PCGF3: variants seen among roughly 807,000 people sequenced by gnomAD.
PCGF3 encodes the protein polycomb group ring finger 3, also known as polycomb group RING finger protein 3.
A neutral mutation model predicts 33.1 loss-of-function variants in PCGF3; 7 were observed. The ratio of observed to expected loss-of-function variants is 0.21; its 90% confidence interval spans 0.12 to 0.40. PCGF3 has a LOEUF of 0.40. Among genes scored for constraint, PCGF3 ranks in the 10% least tolerant of loss-of-function variants. The probability of loss-of-function intolerance (pLI) is 1.00; values close to 1 mark genes in which losing one functional copy is unlikely to be tolerated. For synonymous variants in PCGF3, 153 were observed against 121.3 expected, an observed-to-expected ratio of 1.26 and a Z score of -1.72; for missense variants, 211 against 313.3, an observed-to-expected ratio of 0.67 and a Z score of 2.46.
chr4:768,603 C>T lies in PCGF3; in HGVS notation c.*2524C>T, dbSNP rs140456185. On this transcript the variant is annotated 3_prime_UTR_variant, in exon 11 of 11. Transcript: ENST00000362003. ...GCAGTGGGGCTAATTACCCGGAATA[C>T]GGTCTCACCGATGCAGTTTTCATGG... 266 of 152,248 alleles carry T rather than the reference C, an allele frequency of 1.7e-3. 3 individuals carry two copies. The highest frequency in any genetic ancestry group is 6.2e-3 in the East Asian group (32 of 5,192). The allele number at this position is 152,248 out of a possible 1,614,324, so 9.4% of individuals were successfully genotyped here. A position where few individuals can be genotyped will look rare whatever the true frequency, so the allele number is the denominator to read the frequency against.
chr4:760,452 G>A (rs988372389), intron 8 of PCGF3, among the ~76,000 whole-genome samples: 1 of 151,976 alleles, frequency 6.6e-6, no homozygotes, highest in African/African-American at 2.4e-5. Context: ...GTTAGTTTCC[G>A]TGAGTGTTTT....
intron 1 of PCGF3, among the ~76,000 whole-genome samples, chr4:716,217 G>C (rs1483551599): frequency 9.3e-5 from 11 of 118,500 alleles, no homozygotes; most frequent in East Asian, 6.1e-4. Context: ...AACTGGGCGT[G>C]GGTGCTGGGA....
rs1428855058 is a variant in PCGF3 at position 721,928 on chromosome 4, C to T, written c.-189-8702C>T. ...GAGAGGCCTGTGGGAGGTGGGTGGA[C>T]ATGTGTCGCTGCATGTGGGTGTGGG... On this transcript the variant is annotated intron_variant, in intron 1 of 10. Transcript: ENST00000362003. This position sits in a 1 kb window ranked among gnomAD's most constrained non-coding sequence, Gnocchi z 4.1. Among the ~76,000 whole-genome samples, 6 of 135,502 alleles carry T rather than the reference C, an allele frequency of 4.4e-5. No individual in the cohort carries two copies. The highest frequency in any genetic ancestry group is 1.8e-4 in the African/African-American group (6 of 33,464). 88.9% of individuals were successfully genotyped at this position (135,502 alleles called of 152,430 possible).
intron 8 of PCGF3, among the ~76,000 whole-genome samples, chr4:748,269 G>A (rs1037575664): frequency 1.3e-5 from 2 of 151,532 alleles, no homozygotes; most frequent in Admixed American, 6.6e-5. Flanking sequence ...GCACCATCCC[G>A]GCTCACTGCA....
At chr4:711,454 CTTTT>C (rs1248598317) in intron 1 of PCGF3, among the ~76,000 whole-genome samples, 1 of 82,894 alleles carries the variant, frequency 1.2e-5, no homozygotes, top group Non-Finnish European at 2.8e-5. Flanking sequence ...TTTTTTTTTT[CTTTT>C]TTTTTTTTTT....
At chr4:733,126 G>A (rs1743680233) in intron 3 of PCGF3, among the ~76,000 whole-genome samples, 2 of 148,068 alleles carry the variant, frequency 1.4e-5, no homozygotes, top group African/African-American at 5.1e-5. Context: ...GGCTCTGGGA[G>A]ACACAGCCTC....
chr4:718,949 T>C (rs1485919360), intron 1 of PCGF3, among the ~76,000 whole-genome samples: 1 of 152,202 alleles, frequency 6.6e-6, no homozygotes, highest in Non-Finnish European at 1.5e-5. Flanking sequence ...TTCTTTTTTT[T>C]CTTTTTTCTT....
intron 1 of PCGF3, among the ~76,000 whole-genome samples, chr4:707,771 GCCGGGACCC>G: frequency 7.5e-6 from 1 of 132,582 alleles, no homozygotes; most frequent in Non-Finnish European, 1.6e-5. Context: ...TCACCTGGGG[GCCGGGACCC>G]TGGGACAGCT....
chr4:744,589 T>C lies in PCGF3; in HGVS notation c.374-11T>C. On this transcript the variant is annotated splice_polypyrimidine_tract_variant and intron_variant, in intron 7 of 10. Coordinates refer to ENST00000362003, the Ensembl canonical transcript of PCGF3. ...ATTTCATGGTGCGCTATGTTCTGTT[T>C]GTGCTAAAAGGTGAAACCAAAGCAG... is the stretch of plus-strand genomic sequence containing the variant. 1 of 1,548,348 alleles carries C rather than the reference T, an allele frequency of 6.5e-7. No homozygotes were observed. The highest frequency in any genetic ancestry group is 8.7e-7 in the Non-Finnish European group (1 of 1,143,368).
intron 6 of PCGF3, among the ~76,000 whole-genome samples, chr4:740,013 A>C (rs1201724043): frequency 6.6e-6 from 1 of 152,170 alleles, no homozygotes; most frequent in East Asian, 1.9e-4. Context: ...TAGCAGGAGG[A>C]TTCTAACTTT....
chr4:761,810 C>T (rs969056863), intron 9 of PCGF3: 31 of 985,302 alleles, frequency 3.1e-5, no homozygotes, highest in African/African-American at 1.4e-4. Context: ...TGGCATGAGG[C>T]GGCCTTGGCA....
intron 8 of PCGF3, among the ~76,000 whole-genome samples, chr4:752,653 C>T (rs1164070659): frequency 6.6e-6 from 1 of 152,176 alleles, no homozygotes; most frequent in Non-Finnish European, 1.5e-5. Flanking sequence ...GGTGGGGGGC[C>T]ATGCAGTCTT....
chr4:760,839 A>G (rs139119064), intron 8 of PCGF3, among the ~76,000 whole-genome samples: 149 of 152,242 alleles, frequency 9.8e-4, no homozygotes, highest in African/African-American at 3.6e-3. Flanking sequence ...GGCAGCTGTG[A>G]CCTTCCGCCT....
chr4:761,310 A>G, exon 9 of PCGF3: 1 of 1,602,518 alleles, frequency 6.2e-7, no homozygotes, highest in Non-Finnish European at 8.5e-7. Flanking sequence ...AACAGCAGCA[A>G]ACTGCGCGGG....
rs62294073 is a variant in PCGF3, at chr4:763,003, G to T, written c.600+1587G>T. Among the ~76,000 whole-genome samples the T allele has an allele frequency of 2.5e-3, 381 of 152,144 alleles. 1 individual carries two copies. The highest frequency in any genetic ancestry group is 4.2e-3 in the Non-Finnish European group (288 of 68,002). On this transcript the variant is annotated intron_variant, in intron 9 of 10. Coordinates refer to ENST00000362003, the Ensembl canonical transcript of PCGF3. Reference sequence around the variant, plus strand: ...GCTGCTGTGGTGGCACAGAGCAGAGGCTGTCAGGTCATGGGGGGCCAATGC... The same window carrying T: ...GCTGCTGTGGTGGCACAGAGCAGAGTCTGTCAGGTCATGGGGGGCCAATGC...
At chr4:740,710 G>GA (rs1744049949) in intron 6 of PCGF3, among the ~76,000 whole-genome samples, 1 of 152,108 alleles carries the variant, frequency 6.6e-6, no homozygotes, top group Admixed American at 6.5e-5. Context: ...TAAATAGTTG[G>GA]AAAAAATCAA....
chr4:733,665 C>G lies in PCGF3; in HGVS notation c.-9-7C>G. 3.1e-6 allele frequency: 5 copies of G among 1,596,740 alleles called. No homozygotes were observed. The highest frequency in any genetic ancestry group is 1.1e-5 in the South Asian group (1 of 90,478). On this transcript the variant is annotated splice_region_variant and splice_polypyrimidine_tract_variant and intron_variant, in intron 3 of 10. Coordinates refer to ENST00000362003, the Ensembl canonical transcript of PCGF3. ...CAGGTGTTAATTAATCGCGTTTTCT[C>G]TTGTAGAAGCCAAAGATGTTGACCA...
chr4:727,900 G>C (rs1244360745), intron 1 of PCGF3, among the ~76,000 whole-genome samples: 2 of 152,206 alleles, frequency 1.3e-5, no homozygotes, highest in Non-Finnish European at 2.9e-5. Flanking sequence ...GTATGAGACT[G>C]AATTATTTGT....
At chr4:737,657 C>G in intron 6 of PCGF3, 136 bp downstream of exon 6, 1 of 648,008 alleles carries the variant, frequency 1.5e-6, no homozygotes, top group South Asian at 1.8e-5. Context: ...TCCCTGCTCT[C>G]AGCCCAACTT....
Sources: gnomAD v4.1 joint callset for allele counts (sites outside exome capture counted in the v4.1 genomes callset) on GRCh38, gnomAD v4.1.1 for gene constraint, Gnocchi (gnomAD v3.1) non-coding constraint, MANE v1.5 for transcripts, NCBI Gene and HGNC (gene_info 2026-07-23, HGNC 2026-07-21) for gene names.